The following TULP4 variants were observed in gnomAD, a reference collection of about 807,000 sequenced individuals.
TULP4 encodes the protein TUB like protein 4.
TULP4 carries 16 observed loss-of-function variants against 129.0 expected under a neutral mutation model. That is an observed-to-expected ratio of 0.12 (90% confidence interval 0.08 to 0.19). The LOEUF (loss-of-function observed/expected upper bound fraction) is 0.19. TULP4 is among the 10% of genes least tolerant of loss of function. The pLI is 1.00. For missense variants in TULP4, 1,842 were observed against 2,059.1 expected, an observed-to-expected ratio of 0.89 and a Z score of 2.04; for synonymous variants, 998 against 854.0, an observed-to-expected ratio of 1.17 and a Z score of -2.94.
intron 11 of TULP4, among the ~76,000 whole-genome samples, chr6:158,497,129 A>G (rs1173506670): frequency 6.6e-6 from 1 of 152,256 alleles, no homozygotes; most frequent in Admixed American, 6.5e-5. Context: ...CTGGAATTAC[A>G]GGTGCGAGCT....
intron 1 of TULP4, among the ~76,000 whole-genome samples, chr6:158,245,254 C>T (rs1357429017): frequency 5.9e-5 from 9 of 151,906 alleles, no homozygotes; most frequent in African/African-American, 1.9e-4. Flanking sequence ...CTTGCCCTCC[C>T]GAAGTGTTGG....
chr6:158,395,675 G>GGGGGAC (rs374125332), intron 1 of TULP4, among the ~76,000 whole-genome samples: 1 of 88,076 alleles, frequency 1.1e-5, no homozygotes, highest in Non-Finnish European at 2.2e-5. Context: ...GGGCGGGGGG[G>GGGGGAC]GGGTCATGGC....
At chr6:158,408,354 T>C (rs1040568022) in intron 1 of TULP4, among the ~76,000 whole-genome samples, 3 of 152,114 alleles carry the variant, frequency 2.0e-5, no homozygotes, top group Non-Finnish European at 2.9e-5. Flanking sequence ...GGGAGACAGG[T>C]CTGGAAAGGG....
chr6:158,247,118 A>G (rs1294174733), intron 1 of TULP4, among the ~76,000 whole-genome samples: 1 of 152,208 alleles, frequency 6.6e-6, no homozygotes, highest in Non-Finnish European at 1.5e-5. Context: ...TGGATGGGAA[A>G]GGATTTGGAA....
At chr6:158,354,334 G>T (rs1307657986) in intron 1 of TULP4, among the ~76,000 whole-genome samples, 1 of 152,198 alleles carries the variant, frequency 6.6e-6, no homozygotes, top group African/African-American at 2.4e-5. Flanking sequence ...GGCATTTGGA[G>T]AGCATCCAGC....
intron 1 of TULP4, among the ~76,000 whole-genome samples, chr6:158,241,501 G>A (rs1261068845): frequency 3.3e-5 from 5 of 151,928 alleles, no homozygotes; most frequent in African/African-American, 9.7e-5. Context: ...CCGGCACCTC[G>A]GGAGGCCAAG....
At position 158,481,024 on chromosome 6, in the gene TULP4, C is replaced by T. The variant is rs200434181; in HGVS notation, c.1252-31C>T. ...CTCTCTCTCTGCCTCTCTGGAGTCC[C>T]AGCTCTTCATTTTCTTCCTGTATCC... On this transcript the variant is annotated intron_variant, in intron 7 of 13. Coordinates refer to ENST00000367097, the MANE Select transcript of TULP4 (RefSeq NM_020245.5). The T allele has an allele frequency of 1.2e-3, 1,860 of 1,529,754 alleles. 3 individuals carry two copies. Among genetic ancestry groups the T allele is most frequent in the South Asian group, 1.3e-3 (104 of 78,462 alleles). The allele number at this position is 1,529,754 out of a possible 1,614,324, so 94.8% of individuals were successfully genotyped here.
chr6:158,416,653 A>G (rs543166656), intron 2 of TULP4, among the ~76,000 whole-genome samples: 4 of 152,286 alleles, frequency 2.6e-5, no homozygotes, highest in Non-Finnish European at 5.9e-5. Context: ...GGAAAGAACC[A>G]TTTTTTTAAT....
At position 158,506,983 on chromosome 6, in the gene TULP4, G is replaced by T. The variant is rs546876810; in HGVS notation, c.*289G>T. The T allele has an allele frequency of 7.1e-6, 3 of 421,568 alleles. No homozygotes were observed. Among genetic ancestry groups the T allele is most frequent in the East Asian group, 5.1e-5 (1 of 19,784 alleles). 26.1% of individuals were successfully genotyped at this position (421,568 alleles called of 1,614,324 possible). On this transcript the variant is annotated 3_prime_UTR_variant, in exon 14 of 14. Transcript: ENST00000367097. ...TCTTTCAGGAAACAGCTTGGCTGTG[G>T]TAATGCTCTACTGGGCCCTTCAGAA...
At chr6:158,334,601 C>CCGCA (rs61005938) in intron 1 of TULP4, among the ~76,000 whole-genome samples, 130,549 of 151,760 alleles carry the variant, frequency 0.86, 56,583 homozygotes, top group South Asian at 0.93. Flanking sequence ...CCCCTAACCC[C>CCGCA]CGCATTGTTC....
chr6:158,449,916 A>G (rs946038107), intron 4 of TULP4, among the ~76,000 whole-genome samples: 1 of 152,218 alleles, frequency 6.6e-6, no homozygotes, highest in Non-Finnish European at 1.5e-5. Flanking sequence ...GTACATATTC[A>G]TGAGCTACAT....
upstream of TULP4, among the ~76,000 whole-genome samples, chr6:158,279,104 AT>A (rs1254228822): frequency 3.8e-4 from 55 of 145,268 alleles, no homozygotes; most frequent in Admixed American, 4.1e-4. Context: ...TGCCCGGCTA[AT>A]TTTTTTTTTT....
At chr6:158,330,012 TTAAA>T (rs1278449519) in intron 1 of TULP4, among the ~76,000 whole-genome samples, 1 of 123,042 alleles carries the variant, frequency 8.1e-6, no homozygotes, top group African/African-American at 2.9e-5. Context: ...ATATTAAATT[TTAAA>T]TAGACACATT....
chr6:158,348,173 G>GTTTTTTTTTTTTTTTTTTTTT (rs34217788), intron 1 of TULP4, among the ~76,000 whole-genome samples: 13 of 112,168 alleles, frequency 1.2e-4, no homozygotes, highest in African/African-American at 4.6e-4. Context: ...TTTTTTTAAG[G>GTTTTTTTTTTTTTTTTTTTTT]TTTTTTTTTT....
At chr6:158,447,993 C>T (rs1006744883) in intron 3 of TULP4, among the ~76,000 whole-genome samples, 3 of 152,206 alleles carry the variant, frequency 2.0e-5, no homozygotes, top group Admixed American at 6.5e-5. Flanking sequence ...TGATGCACCT[C>T]GGTGGAGGTC....
rs1170653585 is a variant in TULP4, at chr6:158,332,177, AAAAAAAAAAAAAAAAAAAAAAAAATAT to A, written c.252+17911_252+17937del. 2.3e-4 allele frequency among the ~76,000 whole-genome samples: 14 copies of A among 61,494 alleles called. 1 individual carries two copies. The highest frequency in any genetic ancestry group is 9.5e-5 in the African/African-American group (1 of 10,560). 40.3% of individuals were successfully genotyped at this position (61,494 alleles called of 152,430 possible). ...ACAGAGTAAGACTCTGTCAAAAAAA[AAAAAAAAAAAAAAAAAAAAAAAAATAT>A]ATATATATATATATATATATATATA... On this transcript the variant is annotated intron_variant, in intron 1 of 13. Coordinates refer to ENST00000367097, the MANE Select transcript of TULP4 (RefSeq NM_020245.5).
chr6:158,287,219 A>T (rs1778848537), intron 1 of TULP4, among the ~76,000 whole-genome samples: 1 of 152,178 alleles, frequency 6.6e-6, no homozygotes, highest in Non-Finnish European at 1.5e-5. Flanking sequence ...TGGAGTTGTT[A>T]AGCTCCATCT....
rs1316971766 is a variant in TULP4 at position 158,508,022 on chromosome 6, G to C, written c.*1328G>C. The C allele has an allele frequency of 2.0e-5, 3 of 152,020 alleles. No individual in the cohort carries two copies. The highest frequency in any genetic ancestry group is 2.9e-5 in the Non-Finnish European group (2 of 68,004). 9.4% of individuals were successfully genotyped at this position (152,020 alleles called of 1,614,324 possible). The stretch of plus-strand genomic sequence containing the variant: ...TAAAATTGTAATACCTAGGTAGTTG[G>C]TTGATCACAGTTTGTTAATTGTATA... On this transcript the variant is annotated 3_prime_UTR_variant, in exon 14 of 14. Transcript: ENST00000367097.
intron 1 of TULP4, among the ~76,000 whole-genome samples, chr6:158,241,602 G>GTT (rs529922763): frequency 2.0e-5 from 3 of 147,458 alleles, no homozygotes; most frequent in Non-Finnish European, 3.0e-5. Flanking sequence ...GCGTGAAATT[G>GTT]TTTTTTTTTT....
Sources: gnomAD v4.1 joint callset for allele counts (sites outside exome capture counted in the v4.1 genomes callset) on GRCh38, gnomAD v4.1.1 for gene constraint, MANE v1.5 for transcripts, NCBI Gene and HGNC (gene_info 2026-07-23, HGNC 2026-07-21) for gene names.